Variants in DENND4B observed in about 807,000 individuals in gnomAD.
DENND4B encodes DENN domain containing 4B.
Under a neutral mutation model 161.0 loss-of-function variants are expected in DENND4B, and 67 were observed. The observed-to-expected ratio is 0.42, with a 90% CI of 0.34 to 0.51. The LOEUF is 0.51. Ranked by LOEUF, DENND4B falls within the 20% of genes least tolerant of loss-of-function variation. The probability of loss-of-function intolerance (pLI) is 0.08; values close to 1 mark genes in which losing one functional copy is unlikely to be tolerated. For synonymous variants in DENND4B, 753 were observed against 813.8 expected (o/e 0.93, Z 1.27); for missense variants, 1,481 against 1,968.0 (o/e 0.75, Z 4.68).
At position 153,933,649 on chromosome 1, in the gene DENND4B, C is replaced by T. The variant is rs760088053; in HGVS notation, c.3164G>A (p.Arg1055Gln). ...GRQDEAGTPR[R>Q]GLGARLQQLL... is the part of the protein sequence containing the mutation. ...CTGTTGGAGGCGGGCACCCAGCCCTCGTCGGGGGGTGCCTGCCTCATCCTG... is the reference window on the plus strand; with the variant it reads ...CTGTTGGAGGCGGGCACCCAGCCCTTGTCGGGGGGTGCCTGCCTCATCCTG... Residue 1055 changes from arginine to glutamine, a missense_variant, in exon 20 of 28, where the codon CGA becomes CAA. Arg to Gln is a conservative substitution (Grantham distance 43, BLOSUM62 1). This residue lies in a region of DENND4B where 339 missense variants were observed against 330.3 expected (regional missense o/e 1.03). Coordinates refer to ENST00000361217, the MANE Select transcript of DENND4B (RefSeq NM_014856.3). The surrounding 1 kb of genome is among the most constrained non-coding windows in gnomAD (Gnocchi z 5.7). The T allele has an allele frequency of 8.3e-6, 13 of 1,565,766 alleles. No individual in the cohort carries two copies. The highest frequency in any genetic ancestry group is 1.2e-5 in the South Asian group (1 of 86,256).
rs1342232091 is a variant in DENND4B, at chr1:153,942,267, T to C, written c.730A>G (p.Ile244Val). ...TTGGTCTGGGCAGGCCAGCACTCGA[T>C]AGTGGCCCCCATGGGCAGGCAGAAG... is the stretch of plus-strand genomic sequence containing the variant. ...PVFCLPMGAT[I>V]ECWPAQTKYP... Residue 244 changes from isoleucine (I) to valine (V), a missense_variant, in exon 5 of 28, where the codon ATC (isoleucine) becomes GTC (valine). Ile to Val is a conservative substitution (Grantham distance 29). Transcript: ENST00000361217. This position sits in a 1 kb window ranked among gnomAD's most constrained non-coding sequence, Gnocchi z 6.9. The C allele has an allele frequency of 1.9e-6, 3 of 1,613,824 alleles. No homozygotes were observed. The highest frequency in any genetic ancestry group is 2.2e-5 in the South Asian group (2 of 91,076).
chr1:153,942,340 G>T lies in DENND4B; in HGVS notation c.657C>A (p.Tyr219Ter). 1 of 1,612,508 alleles carries T rather than the reference G, an allele frequency of 6.2e-7. No homozygotes were observed. Among genetic ancestry groups the T allele is most frequent in the Non-Finnish European group, 8.5e-7 (1 of 1,179,202 alleles). ...LVYEAELLGR[Y>*]PEEDNEAFPL... ...GGAACGCCTCATTGTCCTCCTCCGG[G>T]TAGCGGCCCAGCAGCTCTGCACCCC... The change falls in exon 5 of 28, where the codon TAC becomes TAA. Residue 219 changes from tyrosine (Y) to a stop codon, truncating the protein, a stop_gained. Coordinates refer to ENST00000361217, the MANE Select transcript of DENND4B (RefSeq NM_014856.3). LOFTEE classifies it high-confidence loss of function. This position sits in a 1 kb window ranked among gnomAD's most constrained non-coding sequence, Gnocchi z 6.9.
In DENND4B at chr1:153,935,947, G is replaced by A. The variant is rs181058637; in HGVS notation, c.2568+113C>T. On this transcript the variant is annotated intron_variant, in intron 17 of 27. Coordinates refer to ENST00000361217, the MANE Select transcript of DENND4B (RefSeq NM_014856.3). ...GCAATGTGGATGACAGTGGTTCCAG[G>A]ACCTAGGCAAACAGTACCAGCCCAA... is the stretch of plus-strand genomic sequence containing the variant. 222 of 1,372,030 alleles carry A rather than the reference G, an allele frequency of 1.6e-4. 2 individuals are homozygous for A. The African/African-American group carries it at 2.7e-3, about 17-fold the overall frequency. 85.0% of individuals were successfully genotyped at this position (1,372,030 alleles called of 1,614,324 possible).
chr1:153,941,123 C>T (rs1571054019), intron 8 of DENND4B, 75 bp from the exon 9 acceptor site: 1 of 1,566,420 alleles, frequency 6.4e-7, no homozygotes, highest in East Asian at 2.4e-5. Flanking sequence ...CAGGCACAGC[C>T]ACCACCTGGA....
Position 153,933,317 on chromosome 1 carries a change from G to C in DENND4B, c.3333C>G (p.Ser1111Arg). 6.2e-7 allele frequency: 1 copy of C among 1,613,494 alleles called. No homozygotes were observed. The highest frequency in any genetic ancestry group is 8.5e-7 in the Non-Finnish European group (1 of 1,179,664). ...CCCACTCACTGCCCAGAGAGGCTGAGCTCTACCATGACATGAGAAACCATG... is the reference window on the plus strand; with the variant it reads ...CCCACTCACTGCCCAGAGAGGCTGACCTCTACCATGACATGAGAAACCATG... Reference protein sequence around the residue: ...RERPGSTASESSASLGSEWDL... With the variant: ...RERPGSTASERSASLGSEWDL... The change falls in exon 21 of 28, where the codon AGC becomes AGG. Residue 1111 changes from serine to arginine, a missense_variant and splice_region_variant. Ser to Arg is a moderately radical substitution (Grantham distance 110). This residue lies in a region of DENND4B where 336 missense variants were observed against 503.3 expected (regional missense o/e 0.67). Transcript: ENST00000361217. This position sits in a 1 kb window ranked among gnomAD's most constrained non-coding sequence, Gnocchi z 5.7.
At position 153,937,626 on chromosome 1, in the gene DENND4B, G is replaced by C. The variant is rs1373366094; in HGVS notation, c.2106-12C>G. 5 of 1,611,658 alleles carry C rather than the reference G, an allele frequency of 3.1e-6. No homozygotes were observed. Among genetic ancestry groups the C allele is most frequent in the Non-Finnish European group, 4.2e-6 (5 of 1,178,394 alleles). ...GGAATCCATCATAGCTGGAGGGGCAGAGAGAAGCAACATCGGGGCAGTCAG... is the reference window on the plus strand; with the variant it reads ...GGAATCCATCATAGCTGGAGGGGCACAGAGAAGCAACATCGGGGCAGTCAG... On this transcript the variant is annotated splice_polypyrimidine_tract_variant and intron_variant, in intron 14 of 27. Coordinates refer to ENST00000361217, the MANE Select transcript of DENND4B (RefSeq NM_014856.3). The surrounding 1 kb of genome is among the most constrained non-coding windows in gnomAD (Gnocchi z 4.7).
chr1:153,941,257 C>A lies in DENND4B; in HGVS notation c.1155G>T (p.Gln385His). Residue 385 changes from glutamine to histidine, a missense_variant, in exon 8 of 28, where the codon CAG becomes CAT. By Grantham distance (24) the Gln-to-His change is conservative (BLOSUM62 0). Transcript: ENST00000361217. ...MSPYDNLLLC[Q>H]PVSSPLPLSG... Reference sequence around the variant, plus strand: ...TGAGGGGCAGGGGTGAGGATACAGGCTGACAGAGGAGCAAGTTGTCATAGG... The same window carrying A: ...TGAGGGGCAGGGGTGAGGATACAGGATGACAGAGGAGCAAGTTGTCATAGG... 1 of 1,613,904 alleles carries A rather than the reference C, an allele frequency of 6.2e-7. No homozygotes were observed. Among genetic ancestry groups the A allele is most frequent in the Non-Finnish European group, 8.5e-7 (1 of 1,179,862 alleles).
At position 153,939,572 on chromosome 1, in the gene DENND4B, A is replaced by G. The variant is rs768887098; in HGVS notation, c.1819+17T>C. 5.5e-5 allele frequency: 87 copies of G among 1,586,418 alleles called. No individual in the cohort carries two copies. Among genetic ancestry groups the G allele is most frequent in the Non-Finnish European group, 7.2e-5 (84 of 1,160,982 alleles). ...CCTCCCATGATACATCTCCAAGCAGAGACAGGCCCTCTATACCCTGCAGGA... is the reference window on the plus strand; with the variant it reads ...CCTCCCATGATACATCTCCAAGCAGGGACAGGCCCTCTATACCCTGCAGGA... On this transcript the variant is annotated intron_variant, in intron 12 of 27. Transcript: ENST00000361217.
At chr1:153,941,099 C>A in intron 8 of DENND4B, 51 bp from the exon 9 acceptor site, 1 of 1,557,824 alleles carries the variant, frequency 6.4e-7, no homozygotes, top group East Asian at 2.4e-5. Context: ...CCCTGGGGAC[C>A]CTTCCCCAGA....
Position 153,937,996 on chromosome 1 carries a change from G to A in DENND4B, c.1966-133C>T. 1 of 1,287,916 alleles carries A rather than the reference G, an allele frequency of 7.8e-7. No individual in the cohort carries two copies. Among genetic ancestry groups the A allele is most frequent in the Non-Finnish European group, 1.1e-6 (1 of 921,760 alleles). The allele number at this position is 1,287,916 out of a possible 1,614,324, so 79.8% of individuals were successfully genotyped here. On this transcript the variant is annotated intron_variant, in intron 13 of 27. Transcript: ENST00000361217. This position sits in a 1 kb window ranked among gnomAD's most constrained non-coding sequence, Gnocchi z 4.7. Reference sequence around the variant, plus strand: ...ACACAGCCTGGGAAGATGGCGTCAGGAACGGGAGGACAGTACATTACATGT... The same window carrying A: ...ACACAGCCTGGGAAGATGGCGTCAGAAACGGGAGGACAGTACATTACATGT...
chr1:153,939,920 C>T (rs910768706), intron 11 of DENND4B, 116 bp from the exon 12 acceptor site: 12 of 1,028,752 alleles, frequency 1.2e-5, no homozygotes, highest in Non-Finnish European at 1.7e-5. Flanking sequence ...CCAGTAGCAA[C>T]TAAAGTATTA....
In DENND4B at chr1:153,933,802, T is replaced by G. The variant is rs1571036371; in HGVS notation, c.3011A>C (p.Asp1004Ala). The G allele has an allele frequency of 3.1e-6, 5 of 1,612,484 alleles. No individual in the cohort carries two copies. The highest frequency in any genetic ancestry group is 4.2e-6 in the Non-Finnish European group (5 of 1,179,534). The stretch of plus-strand genomic sequence containing the variant: ...CGGCTCCTCCCCTGTCAGGCTCAGG[T>G]CTGAGAGACTTCCATCGTGCCAGGG... ...PVPWHDGSLSDLSLTGEEPLP... is the reference protein window; with the variant it reads ...PVPWHDGSLSALSLTGEEPLP... Residue 1004 changes from aspartate to alanine, a missense_variant, in exon 20 of 28, where the codon GAC becomes GCC. Transcript: ENST00000361217. The surrounding 1 kb of genome is among the most constrained non-coding windows in gnomAD (Gnocchi z 5.7).
chr1:153,931,080 T>A lies in DENND4B; in HGVS notation c.3997-16A>T. The A allele has an allele frequency of 6.3e-7, 1 of 1,594,584 alleles. No homozygotes were observed. The highest frequency in any genetic ancestry group is 1.8e-5 in the Admixed American group (1 of 56,968). On this transcript the variant is annotated splice_polypyrimidine_tract_variant and intron_variant, in intron 24 of 27. Coordinates refer to ENST00000361217, the MANE Select transcript of DENND4B (RefSeq NM_014856.3). ...GAGATGGGGCCTGGGGGAGCCAAGA[T>A]AGTGGAGACAGTTAGGCTCAACGAA...
rs1036527864 is a variant in DENND4B at position 153,946,018 on chromosome 1, G to A, written c.-24+283C>T. Among the ~76,000 whole-genome samples, 2 of 152,188 alleles carry A rather than the reference G, an allele frequency of 1.3e-5. No individual in the cohort carries two copies. Among genetic ancestry groups the A allele is most frequent in the South Asian group, 4.1e-4 (2 of 4,834 alleles). On this transcript the variant is annotated intron_variant, in intron 1 of 27. Coordinates refer to ENST00000361217, the MANE Select transcript of DENND4B (RefSeq NM_014856.3). The surrounding 1 kb of genome is among the most constrained non-coding windows in gnomAD (Gnocchi z 6.3). Reference sequence around the variant, plus strand: ...AGAAGCAGGCGCGCCGGCGGCCGAGGACGTGACGGCAGCAGCGCCGGCCGC... The same window carrying A: ...AGAAGCAGGCGCGCCGGCGGCCGAGAACGTGACGGCAGCAGCGCCGGCCGC...
chr1:153,943,678 T>TGAAAAA (rs1679800561), intron 2 of DENND4B, among the ~76,000 whole-genome samples: 1 of 92,408 alleles, frequency 1.1e-5, no homozygotes, highest in Non-Finnish European at 2.2e-5. Flanking sequence ...ACTCTGTCTA[T>TGAAAAA]AAAAAAAAAA....
chr1:153,938,738 AT>A (rs1679495667), intron 13 of DENND4B, among the ~76,000 whole-genome samples, 161 bp downstream of exon 13: 1 of 151,502 alleles, frequency 6.6e-6, no homozygotes, highest in African/African-American at 2.4e-5. Context: ...ACTTAAAAAA[AT>A]ATTAAAAATT....
chr1:153,939,745 C>A lies in DENND4B; in HGVS notation c.1663G>T (p.Val555Leu). Residue 555 changes from valine to leucine, a missense_variant, in exon 12 of 28, where the codon GTG becomes TTG. Around this residue, in one of 3 missense-constraint regions of DENND4B, gnomAD observed 806 missense variants for 1,134.4 expected, o/e 0.71. Transcript: ENST00000361217. Reference sequence around the variant, plus strand: ...TCCAGCCGGGCCCTGCGGCCACACACTGCCTCGTAGTCTGTCAGTAGGAAC... The same window carrying A: ...TCCAGCCGGGCCCTGCGGCCACACAATGCCTCGTAGTCTGTCAGTAGGAAC... ...LEFLLTDYEA[V>L]CGRRARLERE... is the part of the protein sequence containing the mutation. 1 of 1,613,962 alleles carries A rather than the reference C, an allele frequency of 6.2e-7. No individual in the cohort carries two copies. Among genetic ancestry groups the A allele is most frequent in the Non-Finnish European group, 8.5e-7 (1 of 1,179,892 alleles).
chr1:153,939,345 C>T (rs976996730), intron 12 of DENND4B, among the ~76,000 whole-genome samples: 1 of 152,080 alleles, frequency 6.6e-6, no homozygotes, highest in African/African-American at 2.4e-5. Flanking sequence ...ACAGGGATTA[C>T]TGTGGCTACC....
rs1333332088 is a variant in DENND4B at position 153,934,008 on chromosome 1, C to T, written c.2941+127G>A. 6.8e-7 allele frequency: 1 copy of T among 1,479,390 alleles called. No homozygotes were observed. Among genetic ancestry groups the T allele is most frequent in the Non-Finnish European group, 9.0e-7 (1 of 1,112,566 alleles). 91.6% of individuals were successfully genotyped at this position (1,479,390 alleles called of 1,614,324 possible). A position where few individuals can be genotyped will look rare whatever the true frequency, so the allele number is the denominator to read the frequency against. On this transcript the variant is annotated intron_variant, in intron 19 of 27. Transcript: ENST00000361217. This position sits in a 1 kb window ranked among gnomAD's most constrained non-coding sequence, Gnocchi z 5.3. ...CCATGATGATATTCTGGGCGAGATT[C>T]CCTCAGAATCTACAGCACCCACCAC... is the stretch of plus-strand genomic sequence containing the variant.
Sources: gnomAD v4.1 joint callset for allele counts (sites outside exome capture counted in the v4.1 genomes callset) on GRCh38, gnomAD v4.1.1 for gene constraint, gnomAD v4.1.1 regional missense constraint, Gnocchi (gnomAD v3.1) non-coding constraint, MANE v1.5 for transcripts, NCBI Gene and HGNC (gene_info 2026-07-23, HGNC 2026-07-21) for gene names.